TMEM135: variants seen among roughly 807,000 people sequenced by gnomAD.
The protein encoded by TMEM135 is transmembrane protein 135.
TMEM135 carries 30 observed loss-of-function variants against 60.3 expected under a neutral mutation model. The ratio of observed to expected loss-of-function variants is 0.50; its 90% CI spans 0.37 to 0.68. TMEM135 has a LOEUF of 0.68. Ranked by LOEUF, TMEM135 falls within the 30% of genes least tolerant of loss-of-function variation. TMEM135 has a pLI of 0.00. For synonymous variants in TMEM135, 190 were observed against 186.7 expected (o/e 1.02, Z -0.14); for missense variants, 468 against 548.8 (o/e 0.85, Z 1.47).
intron 2 of TMEM135, 134 bp downstream of exon 2, chr11:87,067,955 T>A: frequency 1.8e-6 from 2 of 1,120,914 alleles, no homozygotes; most frequent in Non-Finnish European, 1.3e-6. Context: ...GTGACATTTA[T>A]GTCAATGAAA....
At chr11:87,259,095 G>A in intron 6 of TMEM135, 1 of 998,378 alleles carries the variant, frequency 1.0e-6, no homozygotes, top group South Asian at 1.3e-5. Flanking sequence ...TCTGGCCGCA[G>A]ACCGGACCCT....
chr11:87,171,847 A>T (rs1939245524), intron 5 of TMEM135, among the ~76,000 whole-genome samples: 1 of 152,072 alleles, frequency 6.6e-6, no homozygotes, highest in Non-Finnish European at 1.5e-5. Flanking sequence ...TATCAAAGGG[A>T]GCACACAACC....
At chr11:87,321,144 A>C (rs911158951) in intron 14 of TMEM135, 57 bp from the exon 15 acceptor site, 58 of 1,461,938 alleles carry the variant, frequency 4.0e-5, no homozygotes, top group African/African-American at 5.7e-5. Flanking sequence ...ACTAAAATGA[A>C]TTATTTTATT....
rs12364798 is a variant in TMEM135, at chr11:87,152,384, C to G, written c.397-4957C>G. ...AATGGCTTTTCTTCATTTTGAAATT[C>G]TTTACTCTTGAGAAATTGTTTACTC... On this transcript the variant is annotated intron_variant, in intron 4 of 14. Transcript: ENST00000305494. 9.5e-3 allele frequency among the ~76,000 whole-genome samples: 1,452 copies of G among 152,110 alleles called. 13 individuals are homozygous for G. Among genetic ancestry groups the G allele is most frequent in the Non-Finnish European group, 0.016 (1,120 of 67,976 alleles).
chr11:87,091,761 T>A (rs1857211217), intron 4 of TMEM135, among the ~76,000 whole-genome samples: 1 of 152,122 alleles, frequency 6.6e-6, no homozygotes, highest in African/African-American at 2.4e-5. Flanking sequence ...AAAAATGATA[T>A]AAGGATGGGT....
chr11:87,282,901 T>G (rs569515496), intron 6 of TMEM135, among the ~76,000 whole-genome samples: 1 of 152,248 alleles, frequency 6.6e-6, no homozygotes, highest in Non-Finnish European at 1.5e-5. Flanking sequence ...GATTCCATTA[T>G]GTGTTGACTC....
chr11:87,193,448 T>G (rs1939864437), intron 5 of TMEM135, among the ~76,000 whole-genome samples: 1 of 152,194 alleles, frequency 6.6e-6, no homozygotes, highest in South Asian at 2.1e-4. Context: ...TTCTTCTGTT[T>G]TATTTTCCCA....
At chr11:87,294,338 T>C (rs972879341) in intron 6 of TMEM135, among the ~76,000 whole-genome samples, 1 of 152,220 alleles carries the variant, frequency 6.6e-6, no homozygotes, top group Non-Finnish European at 1.5e-5. Context: ...TTGTGGCCTT[T>C]CCTACAGAAG....
Position 87,326,578 on chromosome 11 carries a change from A to G in TMEM135, c.*5245A>G, listed in dbSNP as rs1442414551. 1 of 454,112 alleles carries G rather than the reference A, an allele frequency of 2.2e-6. No homozygotes were observed. The highest frequency in any genetic ancestry group is 6.9e-5 in the East Asian group (1 of 14,394). The allele number at this position is 454,112 out of a possible 1,614,324, so 28.1% of individuals were successfully genotyped here. On this transcript the variant is annotated 3_prime_UTR_variant, in exon 15 of 15. Coordinates refer to ENST00000305494, the MANE Select transcript of TMEM135 (RefSeq NM_022918.4). ...CAAAAGGAATGGGAGAGAAGAGACT[A>G]TAAACATATTTTAAGCCTTATCTCT...
Position 87,054,294 on chromosome 11 carries a change from G to A in TMEM135, c.142-13400G>A, listed in dbSNP as rs566744407. 3.9e-5 allele frequency among the ~76,000 whole-genome samples: 6 copies of A among 152,242 alleles called. No individual in the cohort carries two copies. The South Asian group carries it at 6.2e-4, about 16-fold the overall frequency. ...CACTAAAAATACAAAAATTAGCTGG[G>A]CATGGTGGCGTGTGCCTGTAATCCC... On this transcript the variant is annotated intron_variant, in intron 1 of 14. Coordinates refer to ENST00000305494, the MANE Select transcript of TMEM135 (RefSeq NM_022918.4).
At chr11:87,064,449 A>G (rs1240083907) in intron 1 of TMEM135, among the ~76,000 whole-genome samples, 1 of 152,202 alleles carries the variant, frequency 6.6e-6, no homozygotes, top group Admixed American at 6.5e-5. Context: ...TGATACAGTC[A>G]AAATACAGAA....
At chr11:87,054,701 C>T (rs1949875567) in intron 1 of TMEM135, among the ~76,000 whole-genome samples, 1 of 152,012 alleles carries the variant, frequency 6.6e-6, no homozygotes, top group African/African-American at 2.4e-5. Flanking sequence ...TTGGGAGTTT[C>T]CTTGAAAGAT....
chr11:87,199,452 C>A (rs1940044796), intron 5 of TMEM135, among the ~76,000 whole-genome samples: 1 of 152,154 alleles, frequency 6.6e-6, no homozygotes, highest in South Asian at 2.1e-4. Flanking sequence ...TATAGACAAG[C>A]ATTCACTTTA....
At position 87,157,321 on chromosome 11, in the gene TMEM135, T is replaced by G; in HGVS notation, c.397-20T>G. On this transcript the variant is annotated intron_variant, in intron 4 of 14. Transcript: ENST00000305494. ...ATTGTAGATCATATATTTTTGCTGT[T>G]TTTTTTTTTTAATTTACAGGCCACA... 1.6e-6 allele frequency: 2 copies of G among 1,272,750 alleles called. No individual in the cohort carries two copies. The highest frequency in any genetic ancestry group is 2.9e-5 in the Admixed American group (1 of 34,608). 78.8% of individuals were successfully genotyped at this position (1,272,750 alleles called of 1,614,324 possible).
chr11:87,140,511 A>G (rs1472913510), intron 4 of TMEM135, among the ~76,000 whole-genome samples: 1 of 152,160 alleles, frequency 6.6e-6, no homozygotes, highest in South Asian at 2.1e-4. Flanking sequence ...ATAGTTACAA[A>G]GGTAGTTTTA....
At chr11:87,069,028 G>A (rs1400924606) in intron 2 of TMEM135, among the ~76,000 whole-genome samples, 1 of 147,566 alleles carries the variant, frequency 6.8e-6, no homozygotes, top group East Asian at 2.0e-4. Context: ...TGACGGCCGG[G>A]CGCGGTGGCT....
chr11:87,067,775 C>G lies in TMEM135; in HGVS notation c.223C>G (p.Leu75Val), dbSNP rs4382938. The change falls in exon 2 of 15, where the codon CTA becomes GTA. Residue 75 changes from leucine (L) to valine (V), a missense_variant. Coordinates refer to ENST00000305494, the MANE Select transcript of TMEM135 (RefSeq NM_022918.4). Reference protein sequence around the residue: ...LPEILQSASFLTANGALYMAF... With the variant: ...LPEILQSASFVTANGALYMAF... ...TGAGATCCTACAATCCGCTTCATTTCTAACTGCTAATGGGGCCTTGTATAT... is the reference window on the plus strand; with the variant it reads ...TGAGATCCTACAATCCGCTTCATTTGTAACTGCTAATGGGGCCTTGTATAT... The G allele has an allele frequency of 1.9e-6, 3 of 1,613,852 alleles. No individual in the cohort carries two copies. Among genetic ancestry groups the G allele is most frequent in the Non-Finnish European group, 2.5e-6 (3 of 1,179,944 alleles).
At chr11:87,308,493 A>G (rs1228232608) in intron 9 of TMEM135, among the ~76,000 whole-genome samples, 6 of 152,170 alleles carry the variant, frequency 3.9e-5, no homozygotes, top group African/African-American at 1.2e-4. Context: ...GTGTTTCCTC[A>G]TAGTAATTAA....
chr11:87,239,989 A>G (rs952024251), intron 6 of TMEM135, among the ~76,000 whole-genome samples: 1 of 152,098 alleles, frequency 6.6e-6, no homozygotes, highest in Non-Finnish European at 1.5e-5. Flanking sequence ...TTTTCATATT[A>G]TGCACCAGAA....
Sources: allele counts gnomAD v4.1 joint callset (sites outside exome capture counted in the v4.1 genomes callset), GRCh38; gene constraint gnomAD v4.1.1; transcripts MANE v1.5; gene names NCBI Gene and HGNC (gene_info 2026-07-23, HGNC 2026-07-21).